The following GRIN2B variants were observed in gnomAD, a reference collection of about 807,000 sequenced individuals.
GRIN2B encodes the protein glutamate receptor ionotropic, NMDA 2B.
A neutral mutation model predicts 114.5 loss-of-function variants in GRIN2B; 5 were observed. The observed-to-expected ratio is 0.04, with a 90% CI of 0.02 to 0.09. The LOEUF (loss-of-function observed/expected upper bound fraction) is 0.09, where lower values mean the gene tolerates loss of function less well. GRIN2B is among the 10% of genes least tolerant of loss of function. GRIN2B has a pLI of 1.00. For missense variants in GRIN2B, 1,108 were observed against 1,943.5 expected (o/e 0.57, Z 8.08); for synonymous variants, 787 against 745.1 (o/e 1.06, Z -0.92).
intron 10 of GRIN2B, among the ~76,000 whole-genome samples, chr12:13,582,903 AC>A (rs1948871719): frequency 6.6e-6 from 1 of 152,170 alleles, no homozygotes; most frequent in African/African-American, 2.4e-5. Flanking sequence ...TAAGGCAGTC[AC>A]TTCTTTTGTA....
intron 3 of GRIN2B, among the ~76,000 whole-genome samples, chr12:13,783,153 T>C (rs1864150988): frequency 6.6e-6 from 1 of 152,154 alleles, no homozygotes; most frequent in African/African-American, 2.4e-5. Flanking sequence ...AAAACTTCAC[T>C]TTACTCAATG....
intron 3 of GRIN2B, among the ~76,000 whole-genome samples, chr12:13,825,493 A>ATATATATTTTTTTTT (rs1555144006): frequency 3.9e-4 from 11 of 28,130 alleles, no homozygotes; most frequent in East Asian, 1.1e-3. Context: ...ATATATATAT[A>ATATATATTTTTTTTT]TTTTGTGTGT....
At chr12:13,680,169 T>C (rs1473143479) in intron 4 of GRIN2B, among the ~76,000 whole-genome samples, 1 of 152,158 alleles carries the variant, frequency 6.6e-6, no homozygotes, top group Non-Finnish European at 1.5e-5. Flanking sequence ...TATTAATCAA[T>C]TTAACTTTCC....
intron 5 of GRIN2B, among the ~76,000 whole-genome samples, chr12:13,644,053 T>A (rs1465774970): frequency 6.6e-6 from 1 of 152,174 alleles, no homozygotes; most frequent in East Asian, 1.9e-4. Context: ...TCACGAATGT[T>A]CTTAATGACA....
chr12:13,584,925 T>C (rs1237149219), intron 10 of GRIN2B, among the ~76,000 whole-genome samples: 1 of 152,206 alleles, frequency 6.6e-6, no homozygotes, highest in Non-Finnish European at 1.5e-5. Context: ...TCCACTGCAC[T>C]CTACCTCACA....
chr12:13,884,356 T>C (rs530431777), intron 2 of GRIN2B, among the ~76,000 whole-genome samples: 18 of 152,268 alleles, frequency 1.2e-4, no homozygotes, highest in Admixed American at 4.6e-4. Context: ...AGATATTTTA[T>C]AAAATTTATA....
intron 2 of GRIN2B, among the ~76,000 whole-genome samples, chr12:13,888,776 A>T (rs1028830336): frequency 2.8e-4 from 30 of 108,170 alleles, no homozygotes; most frequent in African/African-American, 8.9e-4. Flanking sequence ...AAGATTTTTT[A>T]AAACGGTATA....
intron 8 of GRIN2B, among the ~76,000 whole-genome samples, chr12:13,612,610 C>G (rs1565476359): frequency 1.3e-5 from 2 of 152,328 alleles, no homozygotes; most frequent in South Asian, 2.1e-4. Flanking sequence ...GTTGATGGGA[C>G]AAGACTGGGC....
intron 3 of GRIN2B, among the ~76,000 whole-genome samples, chr12:13,830,380 CAT>C (rs1305275469): frequency 6.6e-6 from 1 of 152,158 alleles, no homozygotes; most frequent in Non-Finnish European, 1.5e-5. Context: ...TTTTTCAACA[CAT>C]GACTTCTAGA....
intron 2 of GRIN2B, among the ~76,000 whole-genome samples, chr12:13,890,457 G>A (rs1187306966): frequency 6.6e-6 from 1 of 152,112 alleles, no homozygotes; most frequent in Non-Finnish European, 1.5e-5. Flanking sequence ...GCGGAGGACT[G>A]GAGGACAGGT....
Position 13,558,022 on chromosome 12 carries a change from C to A in GRIN2B, c.*4761G>T, listed in dbSNP as rs1948495287. ...TCAGGACCTTCAACACACCATGGAC[C>A]ACATAGCATACATAAGGCCAGACCC... On this transcript the variant is annotated 3_prime_UTR_variant, in exon 14 of 14. Transcript: ENST00000609686. The A allele has an allele frequency of 6.6e-6, 1 of 152,116 alleles. No individual in the cohort carries two copies. Among genetic ancestry groups the A allele is most frequent in the Non-Finnish European group, 1.5e-5 (1 of 68,034 alleles). 9.4% of individuals were successfully genotyped at this position (152,116 alleles called of 1,614,324 possible).
rs1190373534 is a variant in GRIN2B, at chr12:13,540,094, T to TA, written c.*22688dup. On this transcript the variant is annotated 3_prime_UTR_variant, in exon 14 of 14. Transcript: ENST00000609686. ...TAGTAGAAACAGATCCCAACCCAAG[T>TA]AGATTCGCCAGTCCAAGACTCCTAC... is the stretch of plus-strand genomic sequence containing the variant. The TA allele has an allele frequency of 2.0e-5, 3 of 152,166 alleles. No homozygotes were observed. Among genetic ancestry groups the TA allele is most frequent in the Non-Finnish European group, 4.4e-5 (3 of 68,020 alleles). The allele number at this position is 152,166 out of a possible 1,614,324, so 9.4% of individuals were successfully genotyped here. A position where few individuals can be genotyped will look rare whatever the true frequency, so the allele number is the denominator to read the frequency against.
intron 10 of GRIN2B, among the ~76,000 whole-genome samples, chr12:13,605,092 G>GTTTTTGCCAGGGGCTCTTAAGTA (rs1949220576): frequency 6.8e-6 from 1 of 147,380 alleles, no homozygotes; most frequent in African/African-American, 2.6e-5. Flanking sequence ...TTGTCTTAAT[G>GTTTTTGCCAGGGGCTCTTAAGTA]ATGAACAACT....
At chr12:13,918,187 A>G (rs1454841717) in intron 2 of GRIN2B, among the ~76,000 whole-genome samples, 4 of 152,214 alleles carry the variant, frequency 2.6e-5, no homozygotes, top group African/African-American at 4.8e-5. Flanking sequence ...TAATTTTCTA[A>G]CCTGTAAAAT....
intron 10 of GRIN2B, 81 bp from the exon 11 acceptor site, chr12:13,572,045 G>A (rs1948715697): frequency 3.6e-6 from 4 of 1,118,304 alleles, no homozygotes; most frequent in South Asian, 1.3e-5. Context: ...AAAATGTGAA[G>A]AGACATTAAG....
chr12:13,864,548 G>A (rs77970311), intron 3 of GRIN2B, among the ~76,000 whole-genome samples: 96 of 152,312 alleles, frequency 6.3e-4, no homozygotes, highest in Middle Eastern at 3.4e-3. Flanking sequence ...TCTAAGACGT[G>A]AATGGCTGGC....
chr12:13,923,109 G>T (rs1370686688), intron 2 of GRIN2B, among the ~76,000 whole-genome samples: 1 of 151,596 alleles, frequency 6.6e-6, no homozygotes, highest in Non-Finnish European at 1.5e-5. Flanking sequence ...CTGAAATTAG[G>T]CAATGTTATT....
At position 13,563,141 on chromosome 12, in the gene GRIN2B, T is replaced by C; in HGVS notation, c.4097A>G (p.Asn1366Ser). ...GCTGAGCATGTACCCGCCGCCGGGG[T>C]TGTTGTGGTGGTGATGTCCGGCAGT... is the stretch of plus-strand genomic sequence containing the variant. ...VPTAGHHHHN[N>S]PGGGYMLSKS... The change falls in exon 14 of 14, where the codon AAC (asparagine) becomes AGC (serine). Residue 1366 changes from asparagine to serine, a missense_variant. Physicochemically the swap from Asn to Ser is conservative, Grantham distance 46. Around this residue, in one of 19 missense-constraint regions of GRIN2B, gnomAD observed 478 missense variants for 506.0 expected, o/e 0.94. Transcript: ENST00000609686. The C allele has an allele frequency of 6.2e-7, 1 of 1,614,034 alleles. No homozygotes were observed. Among genetic ancestry groups the C allele is most frequent in the South Asian group, 1.1e-5 (1 of 91,072 alleles).
In GRIN2B at chr12:13,637,038, C is replaced by T. The variant is rs962107592; in HGVS notation, c.1126-20381G>A. Among the ~76,000 whole-genome samples the T allele has an allele frequency of 2.0e-5, 3 of 152,092 alleles. No individual in the cohort carries two copies. The East Asian group carries it at 5.8e-4, about 29-fold the overall frequency. ...ATTGGGACAAGGTAAGTTTGAGATT[C>T]CTATCATATATCTCAGTAGAAATAT... On this transcript the variant is annotated intron_variant, in intron 5 of 13. Coordinates refer to ENST00000609686, the MANE Select transcript of GRIN2B (RefSeq NM_000834.5).
Sources: gnomAD v4.1 joint callset for allele counts (sites outside exome capture counted in the v4.1 genomes callset) on GRCh38, gnomAD v4.1.1 for gene constraint, gnomAD v4.1.1 regional missense constraint, MANE v1.5 for transcripts, NCBI Gene and HGNC (gene_info 2026-07-23, HGNC 2026-07-21) for gene names.